The following ATP1A4 variants were observed in gnomAD, a reference collection of about 807,000 sequenced individuals.
ATP1A4 encodes ATPase Na+/K+ transporting subunit alpha 4, also known as sodium/potassium-transporting ATPase subunit alpha-4.
A neutral mutation model predicts 114.3 loss-of-function variants in ATP1A4; 90 were observed. That is an observed-to-expected ratio of 0.79 (90% CI 0.66 to 0.94). The LOEUF is 0.94. Among genes scored for constraint, ATP1A4 ranks in the 40% least tolerant of loss-of-function variants. The pLI, the probability that ATP1A4 is intolerant of heterozygous loss-of-function variation, is 0.00. For missense variants in ATP1A4, 1,222 were observed against 1,313.6 expected (o/e 0.93, Z 1.08); for synonymous variants, 511 against 494.1 (o/e 1.03, Z -0.45).
At chr1:160,152,494 G>A (rs1652493532) in intron 1 of ATP1A4, among the ~76,000 whole-genome samples, 1 of 152,166 alleles carries the variant, frequency 6.6e-6, no homozygotes, top group Non-Finnish European at 1.5e-5. Flanking sequence ...TGGGCTGTAT[G>A]GCCTGCTGCC....
chr1:160,186,891 G>C lies in ATP1A4; in HGVS notation c.*192G>C. 1.5e-6 allele frequency: 1 copy of C among 668,334 alleles called. No homozygotes were observed. Among genetic ancestry groups the C allele is most frequent in the Non-Finnish European group, 2.6e-6 (1 of 379,416 alleles). 41.4% of individuals were successfully genotyped at this position (668,334 alleles called of 1,614,324 possible). A position where few individuals can be genotyped will look rare whatever the true frequency, so the allele number is the denominator to read the frequency against. On this transcript the variant is annotated 3_prime_UTR_variant, in exon 22 of 22. Transcript: ENST00000368081. ...GGTGGGCTGAAGGGAAGCCCAGCCTGCATCTAGCTGGAGCCCCGCAGGGAG... is the reference window on the plus strand; with the variant it reads ...GGTGGGCTGAAGGGAAGCCCAGCCTCCATCTAGCTGGAGCCCCGCAGGGAG...
chr1:160,159,281 G>A, intron 5 of ATP1A4, 128 bp from the exon 6 acceptor site: 2 of 1,347,324 alleles, frequency 1.5e-6, no homozygotes, highest in East Asian at 2.3e-5. Context: ...GACAACAGAT[G>A]TGTAAATTTG....
chr1:160,167,122 A>T, intron 9 of ATP1A4, 45 bp downstream of exon 9: 4 of 1,589,138 alleles, frequency 2.5e-6, no homozygotes, highest in Non-Finnish European at 3.4e-6. Context: ...TCCAGGGTGT[A>T]ACCTGACCTC....
At chr1:160,181,562 A>G (rs1571036943) in intron 18 of ATP1A4, 122 bp from the exon 19 acceptor site, 3 of 1,137,720 alleles carry the variant, frequency 2.6e-6, no homozygotes, top group Non-Finnish European at 3.6e-6. Flanking sequence ...TCTCAAAAAA[A>G]AAAAAAAAAA....
At chr1:160,177,101 TG>T (rs997387929) in intron 17 of ATP1A4, among the ~76,000 whole-genome samples, 1 of 152,166 alleles carries the variant, frequency 6.6e-6, no homozygotes, top group African/African-American at 2.4e-5. Context: ...TCATTTGTGT[TG>T]GGGTCAGCCT....
intron 13 of ATP1A4, 31 bp from the exon 14 acceptor site, chr1:160,174,080 A>G (rs964054154): frequency 6.2e-7 from 1 of 1,610,722 alleles, no homozygotes; most frequent in African/African-American, 1.3e-5. Flanking sequence ...TCAACACTCA[A>G]AACTAGCCTT....
At position 160,181,725 on chromosome 1, in the gene ATP1A4, G is replaced by A. The variant is rs61734684; in HGVS notation, c.2778G>A (p.Thr926=). ...AAGTTGTGGAGTTCACATGCCAAAC[G>A]GCCTTTTTTGTCACCATCGTGGTTG... ...QRKVVEFTCQ[T]AFFVTIVVVQ... The change falls in exon 19 of 22, where the codon ACG becomes ACA. Residue 926 remains threonine (T), a synonymous_variant. Transcript: ENST00000368081. 1.7e-4 allele frequency: 280 copies of A among 1,614,008 alleles called. 1 individual carries two copies. In the African/African-American group the frequency reaches 3.0e-3, roughly 17 times the overall value.
rs768322205 is a variant in ATP1A4 at position 160,159,472 on chromosome 1, G to A, written c.724G>A (p.Glu242Lys). Reference protein sequence around the residue: ...PQSRSPDFTHENPLETRNICF... With the variant: ...PQSRSPDFTHKNPLETRNICF... Reference sequence around the variant, plus strand: ...GAGCCGCTCCCCTGACTTCACCCATGAGAACCCTCTGGAGACCCGAAACAT... The same window carrying A: ...GAGCCGCTCCCCTGACTTCACCCATAAGAACCCTCTGGAGACCCGAAACAT... The change falls in exon 6 of 22, where the codon GAG (glutamate) becomes AAG (lysine). Residue 242 changes from glutamate to lysine, a missense_variant. Glu to Lys is a moderately conservative substitution (Grantham distance 56). Transcript: ENST00000368081. 3 of 1,613,992 alleles carry A rather than the reference G, an allele frequency of 1.9e-6. No homozygotes were observed. The South Asian group carries it at 3.3e-5, about 18-fold the overall frequency.
At chr1:160,162,568 C>A (rs747715523) in intron 6 of ATP1A4, among the ~76,000 whole-genome samples, 1 of 152,136 alleles carries the variant, frequency 6.6e-6, no homozygotes, top group African/African-American at 2.4e-5. Context: ...CTTTGTTGTG[C>A]GGGACAGGAG....
At chr1:160,166,067 C>T (rs987657038) in intron 7 of ATP1A4, among the ~76,000 whole-genome samples, 2 of 152,092 alleles carry the variant, frequency 1.3e-5, no homozygotes, top group Non-Finnish European at 2.9e-5. Flanking sequence ...CCCAGGAGTT[C>T]AAGACCAGCC....
At chr1:160,177,790 C>T in intron 18 of ATP1A4, 126 bp downstream of exon 18, 1 of 1,075,186 alleles carries the variant, frequency 9.3e-7, no homozygotes, top group South Asian at 1.6e-5. Context: ...GATGCCTTTT[C>T]TTCAGTCCTG....
Position 160,184,530 on chromosome 1 carries a change from G to C in ATP1A4, c.2970-1746G>C, listed in dbSNP as rs181783960. Among the ~76,000 whole-genome samples the C allele has an allele frequency of 4.1e-4, 63 of 152,152 alleles. 1 individual carries two copies. The highest frequency in any genetic ancestry group is 3.8e-3 in the Admixed American group (58 of 15,284). ...CCACTGCACTCCAGCCTGGACGACA[G>C]AGCAAGTCCCTGTCTCTAAAAAAAA... On this transcript the variant is annotated intron_variant, in intron 20 of 21. Coordinates refer to ENST00000368081, the MANE Select transcript of ATP1A4 (RefSeq NM_144699.4).
chr1:160,160,202 A>G (rs1652819292), intron 6 of ATP1A4, among the ~76,000 whole-genome samples: 1 of 152,142 alleles, frequency 6.6e-6, no homozygotes, highest in Non-Finnish European at 1.5e-5. Flanking sequence ...TGGTTATCTA[A>G]AAATAGTTCT....
Position 160,177,447 on chromosome 1 carries a change from C to G in ATP1A4, c.2591-72C>G, listed in dbSNP as rs1213469100. 3 of 1,554,146 alleles carry G rather than the reference C, an allele frequency of 1.9e-6. No homozygotes were observed. In the African/African-American group the frequency reaches 4.1e-5, roughly 21 times the overall value. ...CCAGAAGCAAGTCCCAGCCCCCAGC[C>G]CTCCCCTGGCCTACCTTTTGGGGCC... On this transcript the variant is annotated intron_variant, in intron 17 of 21. Transcript: ENST00000368081.
At chr1:160,155,920 C>T in intron 3 of ATP1A4, 125 bp from the exon 4 acceptor site, 4 of 643,080 alleles carry the variant, frequency 6.2e-6, no homozygotes, top group Non-Finnish European at 1.1e-5. Context: ...TACCCCTCTG[C>T]TCTCAACTCA....
At chr1:160,176,820 C>T (rs1335687775) in intron 17 of ATP1A4, among the ~76,000 whole-genome samples, 2 of 152,166 alleles carry the variant, frequency 1.3e-5, no homozygotes, top group African/African-American at 4.8e-5. Context: ...TCTCCAAGTG[C>T]CAAGTAATGA....
In ATP1A4 at chr1:160,186,182, G is replaced by A. The variant is rs1051011101; in HGVS notation, c.2970-94G>A. On this transcript the variant is annotated intron_variant, in intron 20 of 21. Transcript: ENST00000368081. ...AGTCCCACGCACACAGTAGACACAA[G>A]CAATGAAACGTGCAATTCCTGTGCA... The A allele has an allele frequency of 2.6e-5, 19 of 738,058 alleles. 1 individual carries two copies. In the East Asian group the frequency reaches 6.8e-4, roughly 27 times the overall value. The allele number at this position is 738,058 out of a possible 1,614,324, so 45.7% of individuals were successfully genotyped here.
At chr1:160,165,541 C>CTT (rs1553248370) in intron 7 of ATP1A4, among the ~76,000 whole-genome samples, 13 of 152,074 alleles carry the variant, frequency 8.5e-5, no homozygotes, top group South Asian at 6.2e-4. Flanking sequence ...GGGCGGATCA[C>CTT]GAGGTCAGGA....
chr1:160,182,307 T>C (rs963527774), intron 20 of ATP1A4, among the ~76,000 whole-genome samples: 1 of 152,202 alleles, frequency 6.6e-6, no homozygotes, highest in East Asian at 1.9e-4. Flanking sequence ...TTCGTGATGA[T>C]GTGTGCTGTA....
Sources: gnomAD v4.1 joint callset for allele counts (sites outside exome capture counted in the v4.1 genomes callset) on GRCh38, gnomAD v4.1.1 for gene constraint, MANE v1.5 for transcripts, NCBI Gene and HGNC (gene_info 2026-07-23, HGNC 2026-07-21) for gene names.